F13B: variants seen among roughly 807,000 people sequenced by gnomAD.
The protein encoded by F13B is coagulation factor XIII B chain, also known as TGase.
A neutral mutation model predicts 79.8 loss-of-function variants in F13B; 58 were observed. The ratio of observed to expected loss-of-function variants is 0.73; its 90% CI spans 0.59 to 0.90. The LOEUF (loss-of-function observed/expected upper bound fraction) is 0.90. F13B is among the 40% of genes least tolerant of loss of function. The probability of loss-of-function intolerance (pLI) is 0.00; values close to 1 mark genes in which losing one functional copy is unlikely to be tolerated. For synonymous variants in F13B, 283 were observed against 260.3 expected (o/e 1.09, Z -0.84); for missense variants, 773 against 777.0 (o/e 0.99, Z 0.06).
rs372546249 is a variant in F13B, at chr1:197,041,999, G to A, written c.1739-1264C>T. Among the ~76,000 whole-genome samples, 22 of 152,248 alleles carry A rather than the reference G, an allele frequency of 1.4e-4. 1 individual carries two copies. The East Asian group carries it at 4.2e-3, about 29-fold the overall frequency. ...TTAGCATATCTGGGGCAGGAAGGAT[G>A]GAATGGCATGAAATTTTATTATACT... On this transcript the variant is annotated intron_variant, in intron 10 of 11. Coordinates refer to ENST00000367412, the MANE Select transcript of F13B (RefSeq NM_001994.3).
In F13B at chr1:197,061,935, G is replaced by GGTT. The variant is rs779048554; in HGVS notation, c.299_300insAAC (p.Tyr100delinsTer). The GGTT allele has an allele frequency of 3.7e-6, 6 of 1,612,640 alleles. No homozygotes were observed. The highest frequency in any genetic ancestry group is 5.1e-6 in the Non-Finnish European group (6 of 1,179,262). On this transcript the variant is annotated stop_gained, in exon 3 of 12. Transcript: ENST00000367412. LOFTEE classifies it high-confidence loss of function. ...TATACAATAACTTTACATCAGAGAT[G>GGTT]TAACCATTACTCAGGTCAGGCTTAG...
chr1:197,039,429 A>T lies in F13B; in HGVS notation c.1953-18T>A, dbSNP rs1654955444. The T allele has an allele frequency of 6.2e-7, 1 of 1,606,294 alleles. No individual in the cohort carries two copies. The highest frequency in any genetic ancestry group is 1.1e-5 in the South Asian group (1 of 89,750). ...ACAGAGTGCTTGAGGGGAAAAAGAGAGATTTTTGAAATAAGCATCAATTGC... is the reference window on the plus strand; with the variant it reads ...ACAGAGTGCTTGAGGGGAAAAAGAGTGATTTTTGAAATAAGCATCAATTGC... On this transcript the variant is annotated intron_variant, in intron 11 of 11. Coordinates refer to ENST00000367412, the MANE Select transcript of F13B (RefSeq NM_001994.3).
In F13B at chr1:197,062,724, A is replaced by G. The variant is rs1434637023; in HGVS notation, c.265+133T>C. ...TCAAATTATGCCTTCATTTTGTAGA[A>G]AGACAGATTGCTAGTGATTTTGTTC... On this transcript the variant is annotated intron_variant, in intron 2 of 11. Coordinates refer to ENST00000367412, the MANE Select transcript of F13B (RefSeq NM_001994.3). 3.8e-6 allele frequency: 3 copies of G among 799,396 alleles called. No individual in the cohort carries two copies. In the Admixed American group the frequency reaches 6.2e-5, roughly 16 times the overall value. The allele number at this position is 799,396 out of a possible 1,614,324, so 49.5% of individuals were successfully genotyped here. A position where few individuals can be genotyped will look rare whatever the true frequency, so the allele number is the denominator to read the frequency against.
intron 3 of F13B, 34 bp downstream of exon 3, chr1:197,061,750 A>C (rs1268933361): frequency 1.3e-6 from 2 of 1,561,464 alleles, no homozygotes; most frequent in Non-Finnish European, 1.8e-6. Context: ...CTTGATAAGC[A>C]CTTATCTTCA....
Position 197,040,513 on chromosome 1 carries a change from A to G in F13B, c.1952+9T>C, listed in dbSNP as rs1432290271. The G allele has an allele frequency of 4.4e-6, 7 of 1,604,424 alleles. No individual in the cohort carries two copies. The highest frequency in any genetic ancestry group is 5.1e-6 in the Non-Finnish European group (6 of 1,173,558). On this transcript the variant is annotated intron_variant, in intron 11 of 11. Coordinates refer to ENST00000367412, the MANE Select transcript of F13B (RefSeq NM_001994.3). ...AAAATAATCTGACCAAAAAAAAAAA[A>G]CTTCTTACCTTTGTCTTGGAATACA... is the stretch of plus-strand genomic sequence containing the variant.
At chr1:197,051,439 CTTA>C (rs1243802681) in intron 9 of F13B, among the ~76,000 whole-genome samples, 1 of 151,952 alleles carries the variant, frequency 6.6e-6, no homozygotes, top group East Asian at 1.9e-4. Flanking sequence ...CCTTTTCTTC[CTTA>C]TTAAAAGTAA....
In F13B at chr1:197,039,354, G is replaced by A. The variant is rs747643036; in HGVS notation, c.*24C>T. 6.4e-5 allele frequency: 102 copies of A among 1,588,142 alleles called. No homozygotes were observed. Among genetic ancestry groups the A allele is most frequent in the Non-Finnish European group, 8.4e-5 (97 of 1,157,956 alleles). On this transcript the variant is annotated 3_prime_UTR_variant, in exon 12 of 12. Coordinates refer to ENST00000367412, the MANE Select transcript of F13B (RefSeq NM_001994.3). ...GGAATTTCATGATGTATTGAAATATGACTCCTCTTTCTGCCATTCATTTCT... is the reference window on the plus strand; with the variant it reads ...GGAATTTCATGATGTATTGAAATATAACTCCTCTTTCTGCCATTCATTTCT...
At chr1:197,046,303 C>T (rs186342140) in intron 10 of F13B, among the ~76,000 whole-genome samples, 16 of 152,268 alleles carry the variant, frequency 1.1e-4, no homozygotes, top group African/African-American at 3.8e-4. Flanking sequence ...AGCTGATAAA[C>T]AATTTCAGGA....
rs1654936615 is a variant in F13B, at chr1:197,038,850, AAAT to A, written c.*525_*527del. On this transcript the variant is annotated 3_prime_UTR_variant, in exon 12 of 12. Transcript: ENST00000367412. ...ACAATTTGGTTATTAACGTTGTAGCAAATATTACAGTTAATTTTAAAAGTTTTT... is the reference window on the plus strand; with the variant it reads ...ACAATTTGGTTATTAACGTTGTAGCAATTACAGTTAATTTTAAAAGTTTTT... Among the ~76,000 whole-genome samples, 1 of 152,100 alleles carries A rather than the reference AAAT, an allele frequency of 6.6e-6. No individual in the cohort carries two copies. Among genetic ancestry groups the A allele is most frequent in the South Asian group, 2.1e-4 (1 of 4,832 alleles).
intron 1 of F13B, among the ~76,000 whole-genome samples, chr1:197,064,582 A>G (rs1655982892): frequency 6.6e-6 from 1 of 152,124 alleles, no homozygotes; most frequent in Non-Finnish European, 1.5e-5. Flanking sequence ...TAGAAGTCAG[A>G]ATGGTTACCT....
In F13B at chr1:197,057,394, G is replaced by A. The variant is rs780257236; in HGVS notation, c.877C>T (p.Arg293Cys). The A allele has an allele frequency of 1.2e-5, 20 of 1,613,922 alleles. No homozygotes were observed. In the East Asian group the frequency reaches 2.7e-4, roughly 22 times the overall value. ...SKIQTHSTTY[R>C]HGEIVHIECE... ...TCTATATGAACTATTTCTCCATGACGATAAGTTGTTGAATGTGTTTGAATT... is the reference window on the plus strand; with the variant it reads ...TCTATATGAACTATTTCTCCATGACAATAAGTTGTTGAATGTGTTTGAATT... The change falls in exon 6 of 12, where the codon CGT becomes TGT. Residue 293 changes from arginine to cysteine, a missense_variant. Coordinates refer to ENST00000367412, the MANE Select transcript of F13B (RefSeq NM_001994.3).
chr1:197,063,656 A>G (rs1305213676), intron 1 of F13B, among the ~76,000 whole-genome samples: 1 of 152,150 alleles, frequency 6.6e-6, no homozygotes, highest in African/African-American at 2.4e-5. Context: ...TAAGTCACTT[A>G]TGTAATTTAA....
chr1:197,043,857 G>T (rs1194183877), intron 10 of F13B, among the ~76,000 whole-genome samples: 3 of 151,900 alleles, frequency 2.0e-5, no homozygotes, highest in African/African-American at 7.2e-5. Flanking sequence ...GGTGAGAAAT[G>T]TACATTTTAA....
At chr1:197,062,042 A>G in intron 2 of F13B, 73 bp from the exon 3 acceptor site, 9 of 1,308,144 alleles carry the variant, frequency 6.9e-6, no homozygotes, top group Non-Finnish European at 9.7e-6. Flanking sequence ...AAATTAAGCC[A>G]AAAGTATAAT....
At chr1:197,040,296 A>G in intron 11 of F13B, 1 of 495,424 alleles carries the variant, frequency 2.0e-6, no homozygotes, top group Non-Finnish European at 3.6e-6. Flanking sequence ...AGTGTCACAA[A>G]TATCAAATGG....
chr1:197,054,356 C>T (rs918145956), intron 8 of F13B, among the ~76,000 whole-genome samples: 6 of 151,926 alleles, frequency 3.9e-5, no homozygotes, highest in Admixed American at 1.3e-4. Flanking sequence ...ATATCAAAAA[C>T]ATTTATAAAA....
intron 2 of F13B, among the ~76,000 whole-genome samples, chr1:197,062,306 A>G (rs747954059): frequency 6.6e-6 from 1 of 152,162 alleles, no homozygotes. Flanking sequence ...GATCATTGAT[A>G]GTTTGATGAT....
chr1:197,055,657 CTG>C (rs1166822378), intron 8 of F13B, 56 bp downstream of exon 8: 14 of 1,536,582 alleles, frequency 9.1e-6, no homozygotes, highest in Non-Finnish European at 1.3e-5. Flanking sequence ...ATATAAAACA[CTG>C]TAAGAAAATC....
In F13B at chr1:197,061,069, C is replaced by T. The variant is rs766518845; in HGVS notation, c.458G>A (p.Cys153Tyr). ...TCCATTATATAATTCAGGAGCCAAA[C>T]ATGTTTCTAAAATTATAAAAATTAT... ...QPTCRKEHET[C>Y]LAPELYNGNY... The change falls in exon 4 of 12, where the codon TGT (cysteine) becomes TAT (tyrosine). Residue 153 changes from cysteine to tyrosine, a missense_variant. Cys to Tyr is a radical substitution (Grantham distance 194). Transcript: ENST00000367412. The T allele has an allele frequency of 1.8e-5, 27 of 1,477,260 alleles. No homozygotes were observed. The highest frequency in any genetic ancestry group is 2.2e-5 in the Non-Finnish European group (24 of 1,078,834). The allele number at this position is 1,477,260 out of a possible 1,614,324, so 91.5% of individuals were successfully genotyped here.
Sources: gnomAD v4.1 joint callset for allele counts (sites outside exome capture counted in the v4.1 genomes callset) on GRCh38, gnomAD v4.1.1 for gene constraint, MANE v1.5 for transcripts, NCBI Gene and HGNC (gene_info 2026-07-23, HGNC 2026-07-21) for gene names.